Variants in TC2N observed in about 807,000 individuals in gnomAD.
TC2N encodes tandem C2 domains, nuclear.
In TC2N, 51 loss-of-function variants were observed where a neutral mutation model predicts 61.9. The observed-to-expected ratio is 0.82, with a 90% CI of 0.66 to 1.04. TC2N has a LOEUF of 1.04. Ranked by LOEUF, TC2N falls within the 50% of genes least tolerant of loss-of-function variation. The pLI is 0.00. For synonymous variants in TC2N, 204 were observed against 192.6 expected (o/e 1.06, Z -0.49); for missense variants, 556 against 566.7 (o/e 0.98, Z 0.19).
At chr14:91,840,292 G>T (rs769766693) in intron 1 of TC2N, among the ~76,000 whole-genome samples, 12 of 152,036 alleles carry the variant, frequency 7.9e-5, no homozygotes, top group Non-Finnish European at 1.6e-4. Flanking sequence ...ACTCTGATAG[G>T]CACTGTCATG....
chr14:91,857,295 T>C (rs1157295222), intron 1 of TC2N, among the ~76,000 whole-genome samples: 1 of 152,220 alleles, frequency 6.6e-6, no homozygotes, highest in East Asian at 1.9e-4. Flanking sequence ...ATTCCCAGTT[T>C]GTAGAAAGTG....
chr14:91,826,242 C>T (rs904245054), intron 1 of TC2N, among the ~76,000 whole-genome samples: 4 of 150,204 alleles, frequency 2.7e-5, no homozygotes, highest in Admixed American at 2.7e-4. Flanking sequence ...ATCACTTCAG[C>T]TCAAGAAGTG....
intron 1 of TC2N, among the ~76,000 whole-genome samples, chr14:91,844,883 T>C (rs1888239616): frequency 6.6e-6 from 1 of 151,984 alleles, no homozygotes; most frequent in Non-Finnish European, 1.5e-5. Context: ...ACAATAGCTG[T>C]CATTCTTCAT....
chr14:91,787,735 C>A, intron 9 of TC2N, 108 bp from the exon 10 acceptor site: 1 of 619,494 alleles, frequency 1.6e-6, no homozygotes, highest in South Asian at 2.2e-5. Flanking sequence ...GTATTCCTTT[C>A]AAATGATATT....
At chr14:91,789,600 G>C (rs1295152221) in intron 9 of TC2N, among the ~76,000 whole-genome samples, 1 of 146,734 alleles carries the variant, frequency 6.8e-6, no homozygotes, top group Non-Finnish European at 1.5e-5. Context: ...GACAGAGAGA[G>C]ACTCCATCTC....
intron 9 of TC2N, among the ~76,000 whole-genome samples, chr14:91,790,512 C>T (rs1885592587): frequency 6.6e-6 from 1 of 152,118 alleles, no homozygotes; most frequent in South Asian, 2.1e-4. Flanking sequence ...AATCTATAAC[C>T]CTAGCACCTG....
intron 8 of TC2N, among the ~76,000 whole-genome samples, chr14:91,795,999 G>GTC (rs1885878706): frequency 6.6e-6 from 1 of 152,084 alleles, no homozygotes; most frequent in Non-Finnish European, 1.5e-5. Context: ...CCAAATAGGA[G>GTC]TCTCCCAAAC....
intron 1 of TC2N, among the ~76,000 whole-genome samples, chr14:91,834,714 TTC>T (rs1427838415): frequency 6.6e-6 from 1 of 152,146 alleles, no homozygotes; most frequent in Non-Finnish European, 1.5e-5. Flanking sequence ...CCAGATAGAC[TTC>T]TCTCCTTGTT....
chr14:91,848,980 A>C (rs750368331), intron 1 of TC2N, among the ~76,000 whole-genome samples: 16 of 152,282 alleles, frequency 1.1e-4, no homozygotes, highest in Non-Finnish European at 1.6e-4. Flanking sequence ...TAGTTTTACT[A>C]CGTGGCTTTT....
rs753914307 is a variant in TC2N at position 91,802,370 on chromosome 14, G to A, written c.353C>T (p.Ser118Phe). 1 of 1,612,656 alleles carries A rather than the reference G, an allele frequency of 6.2e-7. No individual in the cohort carries two copies. Among genetic ancestry groups the A allele is most frequent in the South Asian group, 1.1e-5 (1 of 90,608 alleles). Residue 118 changes from serine to phenylalanine, a missense_variant, in exon 4 of 12, where the codon TCC becomes TTC. Transcript: ENST00000435962. Reference sequence around the variant, plus strand: ...CACATCATAGCTAGGTCCGTGCTGGGATGAACTGGAAAGTTCTACCTTTCG... The same window carrying A: ...CACATCATAGCTAGGTCCGTGCTGGAATGAACTGGAAAGTTCTACCTTTCG... ...GDRKVELSSS[S>F]QHGPSYDVYN...
At chr14:91,813,918 C>CAG in intron 1 of TC2N, 93 bp from the exon 2 acceptor site, 1 of 450,596 alleles carries the variant, frequency 2.2e-6, no homozygotes, top group Non-Finnish European at 3.9e-6. Context: ...CTTTCTAAGA[C>CAG]ATAATGAGGA....
chr14:91,808,034 AC>A (rs1159365516), intron 3 of TC2N, among the ~76,000 whole-genome samples: 4 of 152,016 alleles, frequency 2.6e-5, no homozygotes, highest in Non-Finnish European at 5.9e-5. Context: ...ATTGTCTCTT[AC>A]CTGCTGCCAT....
At chr14:91,787,665 A>AT (rs1473437039) in intron 9 of TC2N, 38 bp from the exon 10 acceptor site, 1 of 1,224,658 alleles carries the variant, frequency 8.2e-7, no homozygotes, top group Admixed American at 2.1e-5. Flanking sequence ...AGTTAAGAAT[A>AT]AAGTTTTTGA....
chr14:91,840,254 G>A (rs1000976816), intron 1 of TC2N, among the ~76,000 whole-genome samples: 3 of 152,054 alleles, frequency 2.0e-5, no homozygotes, highest in African/African-American at 7.2e-5. Context: ...TAATATTTGG[G>A]GTTTTTTTCT....
At chr14:91,815,564 A>G (rs1717752917) in intron 1 of TC2N, among the ~76,000 whole-genome samples, 1 of 151,668 alleles carries the variant, frequency 6.6e-6, no homozygotes, top group Admixed American at 6.6e-5. Context: ...CACTGCCTTC[A>G]TTTATGCCTA....
intron 1 of TC2N, among the ~76,000 whole-genome samples, chr14:91,855,206 C>T (rs1182876809): frequency 6.6e-6 from 1 of 152,178 alleles, no homozygotes. Flanking sequence ...CTCCCAAATC[C>T]TCAGGAAATT....
intron 1 of TC2N, among the ~76,000 whole-genome samples, chr14:91,851,828 C>T (rs12891090): frequency 0.49 from 74,371 of 152,062 alleles, 18,517 homozygotes; most frequent in African/African-American, 0.57. Context: ...AAACTCTATA[C>T]GTGGTGGAGT....
intron 3 of TC2N, 180 bp downstream of exon 3, chr14:91,812,132 C>A: frequency 3.6e-6 from 1 of 275,024 alleles, no homozygotes; most frequent in Non-Finnish European, 6.7e-6. Context: ...GTATTATGAT[C>A]AGATTTCAAA....
chr14:91,801,895 T>C (rs1187635978), intron 4 of TC2N, among the ~76,000 whole-genome samples: 1 of 152,162 alleles, frequency 6.6e-6, no homozygotes, highest in Non-Finnish European at 1.5e-5. Flanking sequence ...TTTTGAATGA[T>C]AACAAAAAGT....
Sources: allele counts gnomAD v4.1 joint callset (sites outside exome capture counted in the v4.1 genomes callset), GRCh38; gene constraint gnomAD v4.1.1; transcripts MANE v1.5; gene names NCBI Gene and HGNC (gene_info 2026-07-23, HGNC 2026-07-21).